DMD: variants seen among roughly 807,000 people sequenced by gnomAD.
DMD encodes the protein mutant dystrophin.
In DMD, 63 loss-of-function variants were observed where a neutral mutation model predicts 330.1. The observed-to-expected ratio is 0.19, with a 90% CI of 0.16 to 0.24. DMD has a LOEUF of 0.24. DMD is among the 10% of genes least tolerant of loss of function. The pLI is 1.00. For synonymous variants in DMD, 1,223 were observed against 959.8 expected, an observed-to-expected ratio of 1.27 and a Z score of -5.07; for missense variants, 3,344 against 2,684.1, an observed-to-expected ratio of 1.25 and a Z score of -5.43.
rs749075801 is a variant in DMD, at chrX:32,463,539, C to T, written c.3332G>A (p.Gly1111Asp). 2.5e-6 allele frequency: 3 copies of T among 1,199,297 alleles called. No homozygotes were observed. Among genetic ancestry groups the T allele is most frequent in the Non-Finnish European group, 3.4e-6 (3 of 889,013 alleles). The change falls in exon 25 of 79, where the codon GGT becomes GAT. Residue 1111 changes from glycine to aspartate, a missense_variant. Gly to Asp is a moderately conservative substitution (Grantham distance 94). Coordinates refer to ENST00000357033, the MANE Select transcript of DMD (RefSeq NM_004006.3). ...TGCTTCATTCTTTATCTTCTGCCCA[C>T]CTTCATTGACACTGTTTAGACTGGG... ...IQPSLNSVNE[G>D]GQKIKNEAEP...
intron 60 of DMD, among the ~76,000 whole-genome samples, chrX:31,406,769 C>T (rs1315472679): frequency 1.8e-5 from 2 of 111,076 alleles, no homozygotes; most frequent in Non-Finnish European, 3.8e-5. Flanking sequence ...AATTGCAGAG[C>T]CCCTGTTCCT....
intron 44 of DMD, among the ~76,000 whole-genome samples, chrX:32,133,821 TA>T (rs1420550270): frequency 9.0e-6 from 1 of 111,385 alleles, no homozygotes; most frequent in Non-Finnish European, 1.9e-5. Flanking sequence ...AAAACGTCCT[TA>T]CAATGGCTTC....
At chrX:31,155,028 CTACA>C (rs2037939229) in intron 74 of DMD, among the ~76,000 whole-genome samples, 1 of 112,067 alleles carries the variant, frequency 8.9e-6, no homozygotes, top group Non-Finnish European at 1.9e-5. Context: ...ACTCTGTTGT[CTACA>C]TACAAATTTA....
In DMD at chrX:33,286,114, G is replaced by A. The variant is rs757542607; in HGVS notation, c.7+53145C>T. 6.3e-5 allele frequency among the ~76,000 whole-genome samples: 7 copies of A among 111,347 alleles called. No homozygotes were observed. In the East Asian group the frequency reaches 1.7e-3, roughly 27 times the overall value. On this transcript the variant is annotated intron_variant, in intron 1 of 17. Coordinates refer to the DMD transcript ENST00000288447. Reference sequence around the variant, plus strand: ...TTTCAAGAAGCTTGAGAGCATATTAGTATTGCATTTGGTACATAATCTGAA... The same window carrying A: ...TTTCAAGAAGCTTGAGAGCATATTAATATTGCATTTGGTACATAATCTGAA...
chrX:31,780,405 T>C (rs1402033227), intron 50 of DMD, among the ~76,000 whole-genome samples: 1 of 112,282 alleles, frequency 8.9e-6, no homozygotes, highest in Non-Finnish European at 1.9e-5. Context: ...AGATATTCCC[T>C]TCCTCCTTAT....
chrX:31,950,457 T>C (rs776929689), intron 45 of DMD, among the ~76,000 whole-genome samples: 1 of 111,359 alleles, frequency 9.0e-6, no homozygotes, highest in South Asian at 3.7e-4. Flanking sequence ...TAATATGTAT[T>C]CTGCTTTCAT....
intron 31 of DMD, 74 bp from the exon 32 acceptor site, chrX:32,389,748 A>G: frequency 2.0e-6 from 2 of 979,120 alleles, no homozygotes; most frequent in Non-Finnish European, 2.9e-6. Flanking sequence ...TTTTATTGAT[A>G]GATCTGCCTT....
At chrX:33,221,096 T>C (rs184310044) in intron 1 of DMD, among the ~76,000 whole-genome samples, 157 of 111,791 alleles carry the variant, frequency 1.4e-3, no homozygotes, top group African/African-American at 4.9e-3. Context: ...ACCTTGGTAC[T>C]ATGGGATGAC....
At chrX:31,154,131 G>C (rs1015180936) in intron 74 of DMD, among the ~76,000 whole-genome samples, 4 of 111,236 alleles carry the variant, frequency 3.6e-5, no homozygotes, top group African/African-American at 1.3e-4. Flanking sequence ...TTACGCATTT[G>C]AATTTTCTTA....
chrX:32,733,635 A>T (rs1047852820), intron 7 of DMD, among the ~76,000 whole-genome samples: 1 of 111,773 alleles, frequency 8.9e-6, no homozygotes, highest in Non-Finnish European at 1.9e-5. Context: ...AACTACATGG[A>T]AACTGAACAA....
intron 1 of DMD, among the ~76,000 whole-genome samples, chrX:33,192,340 T>C (rs751053963): frequency 8.9e-6 from 1 of 112,255 alleles, no homozygotes; most frequent in African/African-American, 3.2e-5. Context: ...GAATAAGATG[T>C]CAAAAATCAT....
intron 43 of DMD, among the ~76,000 whole-genome samples, chrX:32,235,791 T>C (rs373832871): frequency 2.7e-5 from 3 of 111,838 alleles, no homozygotes; most frequent in East Asian, 2.8e-4. Context: ...GATTTTTAAC[T>C]TAATGAAATC....
At chrX:32,253,914 G>T (rs985909036) in intron 43 of DMD, among the ~76,000 whole-genome samples, 1 of 110,570 alleles carries the variant, frequency 9.0e-6, no homozygotes, top group Admixed American at 9.6e-5. Context: ...GAGCCACCAC[G>T]CCTGGTCAAT....
At chrX:32,366,595 G>A (rs762396176) in intron 34 of DMD, among the ~76,000 whole-genome samples, 3 of 111,818 alleles carry the variant, frequency 2.7e-5, no homozygotes, top group South Asian at 7.4e-4. Flanking sequence ...AAAAATTACA[G>A]TACAAGAGTA....
intron 44 of DMD, among the ~76,000 whole-genome samples, chrX:32,036,920 T>C (rs897380384): frequency 5.4e-5 from 6 of 111,163 alleles, no homozygotes; most frequent in African/African-American, 1.6e-4. Context: ...TGAACTAGGA[T>C]AAAGACTGTA....
chrX:31,451,280 CTT>C (rs58331900), intron 59 of DMD, among the ~76,000 whole-genome samples: 9,779 of 53,062 alleles, frequency 0.18, 762 homozygotes, highest in East Asian at 0.33. Flanking sequence ...CCTTTCTTTC[CTT>C]TTTTTTTTTT....
Position 32,826,898 on chromosome X carries a change from G to A in DMD, c.265-3511C>T, listed in dbSNP as rs924374351. ...AGTTAATGTATATGTTTATTAGCTT[G>A]AAGCATTCCACAACATCTAGATATT... On this transcript the variant is annotated intron_variant, in intron 4 of 78. Transcript: ENST00000357033. Among the ~76,000 whole-genome samples, 5 of 110,749 alleles carry A rather than the reference G, an allele frequency of 4.5e-5. No homozygotes were observed. The East Asian group carries it at 1.4e-3, about 31-fold the overall frequency.
intron 6 of DMD, among the ~76,000 whole-genome samples, chrX:32,811,445 T>C (rs1027056448): frequency 8.9e-6 from 1 of 112,017 alleles, no homozygotes; most frequent in Non-Finnish European, 1.9e-5. Flanking sequence ...ACTTACTATT[T>C]AACGTATTAT....
chrX:32,054,659 C>T (rs975008585), intron 44 of DMD, among the ~76,000 whole-genome samples: 18 of 108,762 alleles, frequency 1.7e-4, no homozygotes, highest in African/African-American at 5.4e-4. Flanking sequence ...TACATATCCC[C>T]GAGGCACCAT....
Sources: gnomAD v4.1 joint callset for allele counts (sites outside exome capture counted in the v4.1 genomes callset) on GRCh38, gnomAD v4.1.1 for gene constraint, MANE v1.5 for transcripts, NCBI Gene and HGNC (gene_info 2026-07-23, HGNC 2026-07-21) for gene names.